The following UTRN variants were observed in gnomAD, a reference collection of about 807,000 sequenced individuals.
The protein encoded by UTRN is dystrophin-related protein 1.
In UTRN, 283 loss-of-function variants were observed where a neutral mutation model predicts 463.9. That is an observed-to-expected ratio of 0.61 (90% CI 0.55 to 0.67). UTRN has a LOEUF of 0.67. Ranked by LOEUF, UTRN falls within the 30% of genes least tolerant of loss-of-function variation. UTRN has a pLI of 0.00. For synonymous variants in UTRN, 1,442 were observed against 1,431.5 expected (o/e 1.01, Z -0.17); for missense variants, 3,922 against 4,084.3 (o/e 0.96, Z 1.08).
chr6:144,616,250 A>G (rs1806080372), intron 51 of UTRN, among the ~76,000 whole-genome samples: 1 of 152,246 alleles, frequency 6.6e-6, no homozygotes, highest in African/African-American at 2.4e-5. Flanking sequence ...CTATTGTTAA[A>G]TAATTCACAC....
At chr6:144,737,819 C>A (rs1789595759) in intron 54 of UTRN, among the ~76,000 whole-genome samples, 1 of 134,672 alleles carries the variant, frequency 7.4e-6, no homozygotes, top group Admixed American at 7.8e-5. Context: ...CCTTTTAATG[C>A]AATTGAACTG....
chr6:144,482,487 C>A, intron 27 of UTRN, 99 bp downstream of exon 27: 2 of 858,254 alleles, frequency 2.3e-6, no homozygotes, highest in East Asian at 4.8e-5. Flanking sequence ...AATGTTTTGG[C>A]CATTTTCAAA....
intron 54 of UTRN, among the ~76,000 whole-genome samples, chr6:144,742,385 G>A (rs1790197858): frequency 6.6e-6 from 1 of 152,154 alleles, no homozygotes; most frequent in Admixed American, 6.6e-5. Flanking sequence ...ACATTTCAGA[G>A]TTATTAAATG....
At position 144,542,886 on chromosome 6, in the gene UTRN, C is replaced by A; in HGVS notation, c.6595+16C>A. The A allele has an allele frequency of 6.3e-7, 1 of 1,597,926 alleles. No homozygotes were observed. Among genetic ancestry groups the A allele is most frequent in the Non-Finnish European group, 8.5e-7 (1 of 1,172,854 alleles). On this transcript the variant is annotated intron_variant, in intron 46 of 74. Coordinates refer to ENST00000367545, the MANE Select transcript of UTRN (RefSeq NM_007124.3). Reference sequence around the variant, plus strand: ...AGGATTGCTGGTAAGATATGTTTATCTTTAACAAAGTTTTTTAAAAAATCA... The same window carrying A: ...AGGATTGCTGGTAAGATATGTTTATATTTAACAAAGTTTTTTAAAAAATCA...
At chr6:144,829,460 C>T (rs1780472211) in intron 69 of UTRN, among the ~76,000 whole-genome samples, 2 of 152,110 alleles carry the variant, frequency 1.3e-5, no homozygotes, top group Admixed American at 6.6e-5. Flanking sequence ...GTATATTCCA[C>T]TTGGTTGTGG....
chr6:144,511,231 A>G (rs1795138564), intron 35 of UTRN, 108 bp downstream of exon 35: 1 of 1,108,496 alleles, frequency 9.0e-7, no homozygotes, highest in East Asian at 3.0e-5. Context: ...TGTGTGTCAC[A>G]GTGATGTTTT....
rs766661741 is a variant in UTRN at position 144,557,305 on chromosome 6, A to G, written c.7283A>G (p.Lys2428Arg). ...TTAAAAACATCATGGATCAATCTCAAACAAAGGTAAGTCTAAGGCCCTGGC... is the reference window on the plus strand; with the variant it reads ...TTAAAAACATCATGGATCAATCTCAGACAAAGGTAAGTCTAAGGCCCTGGC... ...EYLKTSWINL[K>R]QSIADRQNAL... Residue 2428 changes from lysine to arginine, a missense_variant, in exon 50 of 75, where the codon AAA (lysine) becomes AGA (arginine). Coordinates refer to ENST00000367545, the MANE Select transcript of UTRN (RefSeq NM_007124.3). 2 of 1,613,052 alleles carry G rather than the reference A, an allele frequency of 1.2e-6. No individual in the cohort carries two copies. Among genetic ancestry groups the G allele is most frequent in the South Asian group, 2.2e-5 (2 of 90,932 alleles).
At chr6:144,654,966 CTA>C (rs940847785) in intron 51 of UTRN, among the ~76,000 whole-genome samples, 26 of 145,956 alleles carry the variant, frequency 1.8e-4, no homozygotes, top group African/African-American at 6.0e-4. Context: ...CTTTGAATGT[CTA>C]TTGGAATCTT....
At position 144,438,800 on chromosome 6, in the gene UTRN, T is replaced by C. The variant is rs1476315129; in HGVS notation, c.1297T>C (p.Trp433Arg). ...GAAGCAACTGCAGCAGCTCTCCGCC[T>C]GGTTAACACTCACAGAGGAGCGCAT... Reference protein sequence around the residue: ...QKKQLQQLSAWLTLTEERIQK... With the variant: ...QKKQLQQLSARLTLTEERIQK... Residue 433 changes from tryptophan to arginine, a missense_variant, in exon 12 of 75, where the codon TGG becomes CGG. Trp to Arg is a moderately radical substitution (Grantham distance 101, BLOSUM62 -3). Around this residue, in one of 3 missense-constraint regions of UTRN, gnomAD observed 2,349 missense variants for 2,303.8 expected, o/e 1.02. Coordinates refer to ENST00000367545, the MANE Select transcript of UTRN (RefSeq NM_007124.3). 1 of 1,614,230 alleles carries C rather than the reference T, an allele frequency of 6.2e-7. No homozygotes were observed. Among genetic ancestry groups the C allele is most frequent in the Admixed American group, 1.7e-5 (1 of 60,024 alleles).
chr6:144,792,315 T>A (rs1386898719), intron 62 of UTRN, among the ~76,000 whole-genome samples: 1 of 152,156 alleles, frequency 6.6e-6, no homozygotes, highest in Non-Finnish European at 1.5e-5. Context: ...GGGAGGCCGA[T>A]GTAGGGCAGA....
At chr6:144,363,516 A>G (rs1779251921) in intron 2 of UTRN, among the ~76,000 whole-genome samples, 1 of 152,178 alleles carries the variant, frequency 6.6e-6, no homozygotes, top group Admixed American at 6.5e-5. Context: ...CTAGGTCCCA[A>G]CTCAGTTGGT....
chr6:144,384,229 G>A (rs1035988402), intron 2 of UTRN, among the ~76,000 whole-genome samples: 3 of 152,118 alleles, frequency 2.0e-5, no homozygotes, highest in Admixed American at 2.0e-4. Flanking sequence ...GCCACAGGTC[G>A]CTACTAGTCT....
chr6:144,671,735 C>T (rs1781059215), intron 51 of UTRN, among the ~76,000 whole-genome samples: 1 of 152,056 alleles, frequency 6.6e-6, no homozygotes, highest in South Asian at 2.1e-4. Flanking sequence ...TGTCTTGTTC[C>T]ATTTCTCAGG....
At chr6:144,480,274 T>C (rs1562464458) in intron 26 of UTRN, among the ~76,000 whole-genome samples, 1 of 152,140 alleles carries the variant, frequency 6.6e-6, no homozygotes, top group Non-Finnish European at 1.5e-5. Context: ...AAACCTCTGG[T>C]AGTGGGCATG....
At chr6:144,726,132 A>G (rs749661316) in intron 53 of UTRN, among the ~76,000 whole-genome samples, 1 of 152,126 alleles carries the variant, frequency 6.6e-6, no homozygotes, top group African/African-American at 2.4e-5. Context: ...GAGACCTGAC[A>G]ATGATACATT....
intron 54 of UTRN, among the ~76,000 whole-genome samples, chr6:144,746,790 T>C (rs929225156): frequency 6.6e-6 from 1 of 152,210 alleles, no homozygotes; most frequent in Non-Finnish European, 1.5e-5. Flanking sequence ...AATTCACTTA[T>C]GTTCTTTATT....
At chr6:144,700,925 T>C (rs1784527719) in intron 53 of UTRN, among the ~76,000 whole-genome samples, 1 of 146,350 alleles carries the variant, frequency 6.8e-6, no homozygotes, top group Middle Eastern at 3.6e-3. Flanking sequence ...TTTTTTTTTT[T>C]AGATGGAGTC....
chr6:144,698,187 A>G (rs1431755667), intron 52 of UTRN, among the ~76,000 whole-genome samples: 2 of 152,160 alleles, frequency 1.3e-5, no homozygotes, highest in African/African-American at 2.4e-5. Context: ...GACAAGTGAA[A>G]TTATTAGTTA....
chr6:144,583,535 G>A (rs1456416807), intron 51 of UTRN: 3 of 716,342 alleles, frequency 4.2e-6, no homozygotes, highest in South Asian at 3.0e-5. Flanking sequence ...GCAGAAAGTT[G>A]TGGTTTTGTT....
Sources: allele counts gnomAD v4.1 joint callset (sites outside exome capture counted in the v4.1 genomes callset), GRCh38; gene constraint gnomAD v4.1.1; regional missense constraint gnomAD v4.1.1; transcripts MANE v1.5; gene names NCBI Gene and HGNC (gene_info 2026-07-23, HGNC 2026-07-21).